The following ADTRP variants were observed in gnomAD, a reference collection of about 807,000 sequenced individuals.
ADTRP encodes the protein androgen dependent TFPI regulating protein.
Under a neutral mutation model 27.0 loss-of-function variants are expected in ADTRP, and 20 were observed. The ratio of observed to expected loss-of-function variants is 0.74; its 90% CI spans 0.52 to 1.08. ADTRP has a LOEUF of 1.08. Among genes scored for constraint, ADTRP ranks in the 50% least tolerant of loss-of-function variants. ADTRP has a pLI of 0.00. For synonymous variants in ADTRP, 101 were observed against 105.2 expected (o/e 0.96, Z 0.25); for missense variants, 251 against 275.0 (o/e 0.91, Z 0.62).
At chr6:11,744,116 T>A (rs1762796184) in intron 3 of ADTRP, among the ~76,000 whole-genome samples, 1 of 152,100 alleles carries the variant, frequency 6.6e-6, no homozygotes, top group Non-Finnish European at 1.5e-5. Context: ...CACCCTTAGT[T>A]CCCATGAGAT....
At position 11,778,398 on chromosome 6, in the gene ADTRP, A is replaced by G. The variant is rs114314736; in HGVS notation, c.153+209T>C. Reference sequence around the variant, plus strand: ...TCAAGAGAGCATTTAACAATGAGCCAGCATAGAAATGTTAACTATAGATAA... The same window carrying G: ...TCAAGAGAGCATTTAACAATGAGCCGGCATAGAAATGTTAACTATAGATAA... On this transcript the variant is annotated intron_variant, in intron 1 of 5. Coordinates refer to ENST00000414691, the MANE Select transcript of ADTRP (RefSeq NM_032744.4). 6.6e-3 allele frequency among the ~76,000 whole-genome samples: 1,007 copies of G among 152,326 alleles called. 12 individuals are homozygous for G. Among genetic ancestry groups the G allele is most frequent in the African/African-American group, 0.023 (965 of 41,558 alleles).
intron 5 of ADTRP, among the ~76,000 whole-genome samples, chr6:11,719,901 T>C (rs1288593512): frequency 2.0e-5 from 3 of 152,204 alleles, no homozygotes; most frequent in Admixed American, 2.0e-4. Flanking sequence ...ACTAACTGTA[T>C]GCCAGGTCCT....
intron 4 of ADTRP, among the ~76,000 whole-genome samples, chr6:11,731,409 C>CCAAA (rs753126273): frequency 1.3e-5 from 2 of 152,188 alleles, no homozygotes; most frequent in Non-Finnish European, 2.9e-5. Flanking sequence ...TGCTTCCACT[C>CCAAA]CAAACAAACA....
At chr6:11,714,945 A>G (rs1335521873) in intron 5 of ADTRP, among the ~76,000 whole-genome samples, 2 of 152,230 alleles carry the variant, frequency 1.3e-5, no homozygotes, top group Admixed American at 6.5e-5. Flanking sequence ...GTGACCTCTT[A>G]GCAAATGAAT....
chr6:11,770,387 C>T (rs572532730), intron 1 of ADTRP, among the ~76,000 whole-genome samples: 42 of 151,992 alleles, frequency 2.8e-4, no homozygotes, highest in Admixed American at 7.9e-4. Context: ...TCAAGAGAGG[C>T]GGGGCTGGGG....
chr6:11,743,105 TTCTG>T (rs1263940969), intron 3 of ADTRP, among the ~76,000 whole-genome samples: 1 of 152,224 alleles, frequency 6.6e-6, no homozygotes, highest in African/African-American at 2.4e-5. Context: ...ATGCTCACTC[TTCTG>T]TCTGTTCTGC....
chr6:11,746,465 T>C (rs1031250824), intron 3 of ADTRP, among the ~76,000 whole-genome samples: 1 of 152,154 alleles, frequency 6.6e-6, no homozygotes, highest in African/African-American at 2.4e-5. Flanking sequence ...TTAAGCAGCA[T>C]CCTTGGCTTC....
intron 5 of ADTRP, among the ~76,000 whole-genome samples, chr6:11,716,807 C>T (rs1413473544): frequency 6.7e-6 from 1 of 150,022 alleles, no homozygotes; most frequent in Non-Finnish European, 1.5e-5. Context: ...CTCTGCCTCC[C>T]AGATTCAAGT....
chr6:11,772,790 G>A (rs1763827461), intron 1 of ADTRP, among the ~76,000 whole-genome samples: 1 of 152,104 alleles, frequency 6.6e-6, no homozygotes, highest in East Asian at 1.9e-4. Context: ...GTATTCGTAT[G>A]GAATATAGGA....
In ADTRP at chr6:11,726,528, G is replaced by A. The variant is rs983236387; in HGVS notation, c.507-3028C>T. Among the ~76,000 whole-genome samples the A allele has an allele frequency of 3.3e-5, 5 of 152,290 alleles. No individual in the cohort carries two copies. The East Asian group carries it at 7.7e-4, about 23-fold the overall frequency. ...CCTTTGATCTTCTCCACCACATTGT[G>A]AGGCAGCAGTAAGGCCCTTGTCGGC... On this transcript the variant is annotated intron_variant, in intron 4 of 5. Transcript: ENST00000414691.
intron 4 of ADTRP, among the ~76,000 whole-genome samples, chr6:11,732,904 G>C: frequency 6.6e-6 from 1 of 152,344 alleles, no homozygotes; most frequent in Middle Eastern, 3.4e-3. Flanking sequence ...TAGCTGAATG[G>C]TTTTGCACAC....
At chr6:11,748,583 C>G (rs996872507) in intron 3 of ADTRP, among the ~76,000 whole-genome samples, 4 of 152,158 alleles carry the variant, frequency 2.6e-5, no homozygotes, top group Admixed American at 2.0e-4. Flanking sequence ...GAAACAGATA[C>G]CAATCACAAT....
At chr6:11,719,944 G>A (rs921374492) in intron 5 of ADTRP, among the ~76,000 whole-genome samples, 1 of 152,180 alleles carries the variant, frequency 6.6e-6, no homozygotes, top group Admixed American at 6.5e-5. Context: ...CAAGTCATCT[G>A]AGGTTCTCCG....
At chr6:11,729,327 A>C (rs1207781436) in intron 4 of ADTRP, among the ~76,000 whole-genome samples, 1 of 152,144 alleles carries the variant, frequency 6.6e-6, no homozygotes, top group Non-Finnish European at 1.5e-5. Context: ...GATGAGAGTC[A>C]TTGGGGTGGC....
intron 4 of ADTRP, among the ~76,000 whole-genome samples, chr6:11,728,077 G>T (rs551997215): frequency 6.6e-6 from 1 of 152,238 alleles, no homozygotes; most frequent in South Asian, 2.1e-4. Flanking sequence ...CCCCAAGTTT[G>T]ATCCCATGAA....
At chr6:11,726,413 G>A (rs1377852551) in intron 4 of ADTRP, among the ~76,000 whole-genome samples, 1 of 152,130 alleles carries the variant, frequency 6.6e-6, no homozygotes, top group African/African-American at 2.4e-5. Flanking sequence ...GTGATAGTAA[G>A]CTCTAGAAAT....
intron 1 of ADTRP, among the ~76,000 whole-genome samples, chr6:11,771,935 A>G (rs1763794321): frequency 1.3e-5 from 2 of 152,178 alleles, no homozygotes; most frequent in Admixed American, 1.3e-4. Flanking sequence ...AGCCTCCAGA[A>G]CTATGAGAAA....
Position 11,770,213 on chromosome 6 carries a change from C to G in ADTRP, c.154-1830G>C, listed in dbSNP as rs146305853. 1,464 of 819,100 alleles carry G rather than the reference C, an allele frequency of 1.8e-3. 11 individuals carry two copies. In the African/African-American group the frequency reaches 0.021, roughly 12 times the overall value. The allele number at this position is 819,100 out of a possible 1,614,324, so 50.7% of individuals were successfully genotyped here. ...TGAACGACCACTTCACAAACCACCG[C>G]TGCCTGGTTCCCACCCCCAGAGATT... On this transcript the variant is annotated intron_variant, in intron 1 of 5. Transcript: ENST00000414691.
Position 11,714,320 on chromosome 6 carries a change from C to T in ADTRP, c.*158G>A. ...AAAAACCAAGAGTTCTCAAGTTAAG[C>T]TACCTTCACGAACCTCTTATTAAAT... On this transcript the variant is annotated 3_prime_UTR_variant, in exon 6 of 6. Coordinates refer to ENST00000414691, the MANE Select transcript of ADTRP (RefSeq NM_032744.4). 2.5e-6 allele frequency: 2 copies of T among 791,716 alleles called. No individual in the cohort carries two copies. The highest frequency in any genetic ancestry group is 3.0e-5 in the Admixed American group (1 of 32,884). The allele number at this position is 791,716 out of a possible 1,614,324, so 49.0% of individuals were successfully genotyped here. A position where few individuals can be genotyped will look rare whatever the true frequency, so the allele number is the denominator to read the frequency against.
Sources: allele counts gnomAD v4.1 joint callset (sites outside exome capture counted in the v4.1 genomes callset), GRCh38; gene constraint gnomAD v4.1.1; transcripts MANE v1.5; gene names NCBI Gene and HGNC (gene_info 2026-07-23, HGNC 2026-07-21).